Variants in MEGF11 observed in about 807,000 individuals in gnomAD.
The protein encoded by MEGF11 is multiple EGF like domains 11.
A neutral mutation model predicts 146.6 loss-of-function variants in MEGF11; 126 were observed. The observed-to-expected ratio is 0.86, with a 90% CI of 0.74 to 1.00. MEGF11 has a LOEUF of 1.00. MEGF11 is among the 50% of genes least tolerant of loss of function. The pLI is 0.00. For missense variants in MEGF11, 1,509 were observed against 1,521.2 expected (o/e 0.99, Z 0.13); for synonymous variants, 532 against 583.4 (o/e 0.91, Z 1.27).
chr15:66,024,802 G>T (rs369691179), intron 5 of MEGF11, among the ~76,000 whole-genome samples: 1 of 152,124 alleles, frequency 6.6e-6, no homozygotes, highest in Admixed American at 6.5e-5. Flanking sequence ...GGGCCGGGAC[G>T]GGGGCACTGT....
intron 1 of MEGF11, among the ~76,000 whole-genome samples, chr15:66,167,102 A>C (rs2090117053): frequency 6.6e-6 from 1 of 152,074 alleles, no homozygotes; most frequent in South Asian, 2.1e-4. Context: ...TCATAGACAC[A>C]TGGCTCCAGT....
chr15:66,033,217 T>A (rs1280198351), intron 5 of MEGF11, among the ~76,000 whole-genome samples: 3 of 151,416 alleles, frequency 2.0e-5, no homozygotes, highest in Non-Finnish European at 2.9e-5. Flanking sequence ...GCTGAAGAGA[T>A]TACCATACAC....
chr15:66,120,751 G>A (rs1391346159), intron 3 of MEGF11, among the ~76,000 whole-genome samples: 2 of 152,192 alleles, frequency 1.3e-5, no homozygotes, highest in South Asian at 2.1e-4. Flanking sequence ...CAGTTTCAGG[G>A]GTTGTATAAG....
At chr15:66,139,170 C>T (rs1460194068) in intron 1 of MEGF11, among the ~76,000 whole-genome samples, 2 of 152,202 alleles carry the variant, frequency 1.3e-5, no homozygotes, top group Non-Finnish European at 2.9e-5. Flanking sequence ...TGCAATCAAA[C>T]AATTCCTCTG....
At chr15:65,916,022 G>T (rs1051995137) in intron 18 of MEGF11, 126 bp downstream of exon 18, 2 of 1,197,686 alleles carry the variant, frequency 1.7e-6, no homozygotes, top group African/African-American at 1.6e-5. Context: ...CTTGGAAGTT[G>T]TCCCCAAAGT....
At position 65,970,572 on chromosome 15, in the gene MEGF11, C is replaced by T. The variant is rs755944197; in HGVS notation, c.880G>A (p.Ala294Thr). The change falls in exon 8 of 26, where the codon GCT becomes ACT. Residue 294 changes from alanine to threonine, a missense_variant. Ala to Thr is a moderately conservative substitution (Grantham distance 58). Transcript: ENST00000395614. ...DHVTGQCHCT[A>T]GYMGDRCQEE... ...CCTTACCTGTCCCCCATGTATCCAGCTGTACAGTGGCACTGTCCAGTCACG... is the reference window on the plus strand; with the variant it reads ...CCTTACCTGTCCCCCATGTATCCAGTTGTACAGTGGCACTGTCCAGTCACG... 2.5e-6 allele frequency: 4 copies of T among 1,613,916 alleles called. No homozygotes were observed. The African/African-American group carries it at 5.3e-5, about 22-fold the overall frequency.
chr15:66,176,873 C>T (rs956230736), intron 1 of MEGF11, among the ~76,000 whole-genome samples: 16 of 147,882 alleles, frequency 1.1e-4, no homozygotes, highest in Non-Finnish European at 6.1e-5. Flanking sequence ...CTGACAGGAA[C>T]AGTCAAGCTA....
chr15:66,003,678 C>T (rs1488381203), intron 5 of MEGF11, among the ~76,000 whole-genome samples: 2 of 152,182 alleles, frequency 1.3e-5, no homozygotes, highest in East Asian at 3.9e-4. Context: ...GGTGAGGTCA[C>T]TGCCCTGCCA....
chr15:66,241,239 A>C (rs2140238382), intron 1 of MEGF11, among the ~76,000 whole-genome samples: 1 of 152,276 alleles, frequency 6.6e-6, no homozygotes, highest in Non-Finnish European at 1.5e-5. Flanking sequence ...AGTGTCCCCC[A>C]AGCTGGAGGC....
At chr15:66,212,616 C>T (rs1199386665) in intron 1 of MEGF11, among the ~76,000 whole-genome samples, 1 of 152,220 alleles carries the variant, frequency 6.6e-6, no homozygotes, top group Non-Finnish European at 1.5e-5. Context: ...TGGCACAGAG[C>T]CCCCCAGTAA....
At chr15:65,970,073 C>T (rs1340408785) in intron 8 of MEGF11, among the ~76,000 whole-genome samples, 1 of 152,128 alleles carries the variant, frequency 6.6e-6, no homozygotes, top group African/African-American at 2.4e-5. Context: ...GGTTTCATTC[C>T]AGGACATTGG....
In MEGF11 at chr15:66,156,162, C is replaced by T. The variant is rs149221460; in HGVS notation, c.-8-27751G>A. On this transcript the variant is annotated intron_variant, in intron 1 of 25. Transcript: ENST00000395614. ...GGTTGGAAGGAGGGTCAGAGGCCCC[C>T]GAACCAACTTCCTGCCCAGCACATG... Among the ~76,000 whole-genome samples the T allele has an allele frequency of 3.2e-3, 493 of 152,226 alleles. 7 individuals carry two copies. The highest frequency in any genetic ancestry group is 0.011 in the African/African-American group (471 of 41,532).
intron 4 of MEGF11, among the ~76,000 whole-genome samples, chr15:66,115,344 C>T (rs1333468356): frequency 6.6e-6 from 1 of 152,210 alleles, no homozygotes; most frequent in African/African-American, 2.4e-5. Flanking sequence ...AGTGCCCTGG[C>T]ATCATTCTTC....
intron 1 of MEGF11, among the ~76,000 whole-genome samples, chr15:66,154,740 G>A (rs1031449669): frequency 7.9e-5 from 12 of 152,132 alleles, no homozygotes; most frequent in Non-Finnish European, 5.9e-5. Flanking sequence ...CAACTAGGGG[G>A]GCAAAGGAAC....
At chr15:66,003,865 G>T (rs771279228) in intron 5 of MEGF11, among the ~76,000 whole-genome samples, 1 of 152,086 alleles carries the variant, frequency 6.6e-6, no homozygotes. Flanking sequence ...CTTCACCAAA[G>T]CTACTCCTCC....
At chr15:66,025,762 C>T (rs879224378) in intron 5 of MEGF11, among the ~76,000 whole-genome samples, 1 of 152,152 alleles carries the variant, frequency 6.6e-6, no homozygotes, top group Non-Finnish European at 1.5e-5. Context: ...TCTGGGCTTG[C>T]AGACTTACAC....
intron 1 of MEGF11, among the ~76,000 whole-genome samples, chr15:66,232,237 G>A (rs72625770): frequency 0.26 from 38,827 of 152,152 alleles, 5,564 homozygotes; most frequent in East Asian, 0.63. Flanking sequence ...CCTACAGGCT[G>A]TAGAGACCTT....
At chr15:65,926,884 A>C (rs145347782) in intron 13 of MEGF11, among the ~76,000 whole-genome samples, 2 of 152,294 alleles carry the variant, frequency 1.3e-5, no homozygotes, top group East Asian at 3.9e-4. Context: ...GCCAGTGACC[A>C]GGGTTGAGCC....
intron 5 of MEGF11, among the ~76,000 whole-genome samples, chr15:65,997,577 TAATACG>T (rs1401888385): frequency 6.6e-6 from 1 of 152,208 alleles, no homozygotes; most frequent in African/African-American, 2.4e-5. Context: ...TTATTCTATC[TAATACG>T]ATGTAACCAC....
Sources: gnomAD v4.1 joint callset for allele counts (sites outside exome capture counted in the v4.1 genomes callset) on GRCh38, gnomAD v4.1.1 for gene constraint, MANE v1.5 for transcripts, NCBI Gene and HGNC (gene_info 2026-07-23, HGNC 2026-07-21) for gene names.